Variants in MID1 observed in about 807,000 individuals in gnomAD.
MID1 encodes the protein midline 1.
A neutral mutation model predicts 40.4 loss-of-function variants in MID1; 7 were observed. The ratio of observed to expected loss-of-function variants is 0.17; its 90% confidence interval spans 0.10 to 0.33. MID1 has a LOEUF of 0.33. Among genes scored for constraint, MID1 ranks in the 10% least tolerant of loss-of-function variants. The pLI, the probability that MID1 is intolerant of heterozygous loss-of-function variation, is 1.00. For missense variants in MID1, 367 were observed against 558.5 expected, an observed-to-expected ratio of 0.66 and a Z score of 3.46; for synonymous variants, 229 against 221.2, an observed-to-expected ratio of 1.04 and a Z score of -0.31.
intron 1 of MID1, among the ~76,000 whole-genome samples, chrX:10,604,543 G>A: frequency 8.9e-6 from 1 of 112,045 alleles, no homozygotes; most frequent in East Asian, 2.8e-4. Flanking sequence ...AAGCTGTATA[G>A]TTTGAAAAGC....
intron 1 of MID1, among the ~76,000 whole-genome samples, chrX:10,684,780 T>C (rs1029074425): frequency 9.8e-5 from 11 of 111,836 alleles, no homozygotes; most frequent in Non-Finnish European, 1.9e-4. Context: ...GTGCATATTA[T>C]AAAATTTACC....
chrX:10,485,864 T>C (rs1930588551), intron 4 of MID1, among the ~76,000 whole-genome samples: 1 of 111,455 alleles, frequency 9.0e-6, no homozygotes, highest in African/African-American at 3.3e-5. Context: ...CCAAGTTAAT[T>C]TTCTTAAACT....
chrX:10,530,121 G>A (rs1025641645), intron 2 of MID1, among the ~76,000 whole-genome samples: 2 of 111,687 alleles, frequency 1.8e-5, no homozygotes, highest in African/African-American at 6.5e-5. Context: ...TTCCTGTGAA[G>A]GCAAATATAA....
At chrX:10,664,985 A>G (rs1463880748) in intron 1 of MID1, among the ~76,000 whole-genome samples, 1 of 112,375 alleles carries the variant, frequency 8.9e-6, no homozygotes, top group African/African-American at 3.2e-5. Context: ...CATCAAATAC[A>G]CACACACAAT....
chrX:10,482,380 G>T, intron 5 of MID1, 100 bp downstream of exon 5: 1 of 921,779 alleles, frequency 1.1e-6, no homozygotes, highest in Non-Finnish European at 1.6e-6. Flanking sequence ...ACTGAGCCTT[G>T]AAAATGAAAA....
At chrX:10,684,670 A>G (rs1312203202) in intron 1 of MID1, among the ~76,000 whole-genome samples, 4 of 110,074 alleles carry the variant, frequency 3.6e-5, no homozygotes, top group Non-Finnish European at 7.6e-5. Flanking sequence ...CAGCCTCCCA[A>G]AGTGCTGGGA....
At chrX:10,809,291 A>G (rs2147151249) in intron 1 of MID1, among the ~76,000 whole-genome samples, 1 of 111,848 alleles carries the variant, frequency 8.9e-6, no homozygotes, top group South Asian at 3.8e-4. Context: ...GGTGCTAGAG[A>G]GGATGTGGAG....
intron 1 of MID1, among the ~76,000 whole-genome samples, chrX:10,649,894 A>G (rs762196844): frequency 8.9e-6 from 1 of 112,415 alleles, no homozygotes; most frequent in Admixed American, 9.4e-5. Flanking sequence ...TTAACGTGTC[A>G]ATCTGACTGT....
rs1282734278 is a variant in MID1 at position 10,510,561 on chromosome X, G to A, written c.756+12531C>T. Among the ~76,000 whole-genome samples the A allele has an allele frequency of 9.9e-5, 11 of 111,394 alleles. No homozygotes were observed. The Admixed American group carries it at 1.0e-3, about 11-fold the overall frequency. Reference sequence around the variant, plus strand: ...ATATGCTGAAACCCAGGCCGGGCGTGGTGGCTCACGCCTGTAATCCCAGCA... The same window carrying A: ...ATATGCTGAAACCCAGGCCGGGCGTAGTGGCTCACGCCTGTAATCCCAGCA... On this transcript the variant is annotated intron_variant, in intron 3 of 9. Transcript: ENST00000317552.
intron 1 of MID1, among the ~76,000 whole-genome samples, chrX:10,657,671 T>G (rs1258383101): frequency 8.9e-6 from 1 of 112,368 alleles, no homozygotes; most frequent in Non-Finnish European, 1.9e-5. Context: ...GAATTTAATT[T>G]TTTTGTAATG....
chrX:10,810,558 G>T (rs1465019960), intron 1 of MID1, among the ~76,000 whole-genome samples: 1 of 111,531 alleles, frequency 9.0e-6, no homozygotes, highest in Non-Finnish European at 1.9e-5. Context: ...GGAATTGCTG[G>T]ATTATCTGGT....
At chrX:10,597,174 C>T (rs752196222) in intron 1 of MID1, among the ~76,000 whole-genome samples, 1 of 111,301 alleles carries the variant, frequency 9.0e-6, no homozygotes, top group African/African-American at 3.3e-5. Context: ...GAGCAAAACA[C>T]CTATAGAAGG....
In MID1 at chrX:10,567,404, C is replaced by T; in HGVS notation, c.144G>A (p.Val48=). ...LVSHCATNES[V]ESITAFQCPT... ...GGCACTGGAAGGCGGTGATGGACTCCACAGACTCGTTGGTGGCACAGTGTG... is the reference window on the plus strand; with the variant it reads ...GGCACTGGAAGGCGGTGATGGACTCTACAGACTCGTTGGTGGCACAGTGTG... Residue 48 remains valine, a synonymous_variant, in exon 2 of 10, where the codon GTG becomes GTA. Transcript: ENST00000317552. 1 of 1,208,010 alleles carries T rather than the reference C, an allele frequency of 8.3e-7. No homozygotes were observed. Among genetic ancestry groups the T allele is most frequent in the East Asian group, 3.0e-5 (1 of 33,757 alleles).
chrX:10,695,019 G>T lies in MID1; in HGVS notation c.-186-74600C>A, dbSNP rs775578341. On this transcript the variant is annotated intron_variant, in intron 1 of 10. Transcript: ENST00000380785. ...ATGAGAGGGGCCTGAAGTCTGCTAA[G>T]ATATAGAGTAGGTAAATGATTACCA... Among the ~76,000 whole-genome samples, 15 of 112,077 alleles carry T rather than the reference G, an allele frequency of 1.3e-4. No homozygotes were observed. The East Asian group carries it at 3.9e-3, about 29-fold the overall frequency.
At chrX:10,504,063 CA>C (rs1303305183) in intron 3 of MID1, among the ~76,000 whole-genome samples, 1 of 111,566 alleles carries the variant, frequency 9.0e-6, no homozygotes, top group Admixed American at 9.5e-5. Flanking sequence ...AATCTTCAAA[CA>C]GGTAAAATAA....
chrX:10,552,419 T>C lies in MID1; in HGVS notation c.660+14469A>G, dbSNP rs191631854. ...CCCTCCTACAGATACCAAAAATCCA[T>C]GGATGCTCAACTCTCTGATATAAAA... is the stretch of plus-strand genomic sequence containing the variant. On this transcript the variant is annotated intron_variant, in intron 2 of 9. Coordinates refer to ENST00000317552, the MANE Select transcript of MID1 (RefSeq NM_000381.4). Among the ~76,000 whole-genome samples the C allele has an allele frequency of 4.1e-3, 459 of 110,878 alleles. 3 individuals are homozygous for C. The highest frequency in any genetic ancestry group is 0.013 in the African/African-American group (383 of 30,535).
At chrX:10,599,489 T>C (rs141806089) in intron 1 of MID1, among the ~76,000 whole-genome samples, 1 of 112,241 alleles carries the variant, frequency 8.9e-6, no homozygotes, top group Admixed American at 9.4e-5. Context: ...ACAGAAACAG[T>C]GATGATATGC....
At chrX:10,680,698 C>A (rs2043053109) in intron 1 of MID1, among the ~76,000 whole-genome samples, 1 of 110,720 alleles carries the variant, frequency 9.0e-6, no homozygotes, top group African/African-American at 3.3e-5. Flanking sequence ...TTAAAATATT[C>A]ATATCCTTTG....
chrX:10,683,834 G>A (rs978296440), intron 1 of MID1, among the ~76,000 whole-genome samples: 3 of 86,483 alleles, frequency 3.5e-5, no homozygotes, highest in Admixed American at 1.5e-4. Flanking sequence ...ACAGTGGCAC[G>A]ACGTTGGCTC....
Sources: gnomAD v4.1 joint callset for allele counts (sites outside exome capture counted in the v4.1 genomes callset) on GRCh38, gnomAD v4.1.1 for gene constraint, MANE v1.5 for transcripts, NCBI Gene and HGNC (gene_info 2026-07-23, HGNC 2026-07-21) for gene names.